CCSER1: variants seen among roughly 807,000 people sequenced by gnomAD.
CCSER1 encodes coiled-coil serine rich protein 1.
Under a neutral mutation model 82.0 loss-of-function variants are expected in CCSER1, and 41 were observed. The observed-to-expected ratio is 0.50, with a 90% CI of 0.39 to 0.65. The LOEUF (loss-of-function observed/expected upper bound fraction) is 0.65, where lower values mean the gene tolerates loss of function less well. Among genes scored for constraint, CCSER1 ranks in the 30% least tolerant of loss-of-function variants. The probability of loss-of-function intolerance (pLI) is 0.00; values close to 1 mark genes in which losing one functional copy is unlikely to be tolerated. For synonymous variants in CCSER1, 414 were observed against 383.9 expected, an observed-to-expected ratio of 1.08 and a Z score of -0.92; for missense variants, 1,119 against 1,064.2, an observed-to-expected ratio of 1.05 and a Z score of -0.72.
intron 10 of CCSER1, among the ~76,000 whole-genome samples, chr4:91,341,118 GT>G (rs2149287745): frequency 6.6e-6 from 1 of 152,294 alleles, no homozygotes; most frequent in Non-Finnish European, 1.5e-5. Context: ...GCCTTCTGCT[GT>G]TTTATTCTCA....
At chr4:91,535,029 GATA>G (rs1761225069) in intron 10 of CCSER1, among the ~76,000 whole-genome samples, 1 of 151,678 alleles carries the variant, frequency 6.6e-6, no homozygotes, top group Admixed American at 6.6e-5. Context: ...CTCTACTACA[GATA>G]ATTTTATTTT....
chr4:90,876,711 AT>A (rs1205855982), intron 8 of CCSER1, among the ~76,000 whole-genome samples: 5 of 152,026 alleles, frequency 3.3e-5, no homozygotes, highest in African/African-American at 1.2e-4. Flanking sequence ...CACTCTAGCC[AT>A]TGCCTGTGTG....
At chr4:90,838,998 C>G in intron 8 of CCSER1, 1 of 1,612,752 alleles carries the variant, frequency 6.2e-7, no homozygotes, top group Non-Finnish European at 8.5e-7. Context: ...TTCGGCTTAT[C>G]GAATTTCTCG....
At chr4:90,616,734 C>A (rs572724828) in intron 5 of CCSER1, among the ~76,000 whole-genome samples, 89 of 64,146 alleles carry the variant, frequency 1.4e-3, no homozygotes, top group African/African-American at 7.1e-3. Context: ...CACACACACA[C>A]ACACAAATAA....
intron 1 of CCSER1, among the ~76,000 whole-genome samples, chr4:90,175,548 C>T (rs1228943012): frequency 6.6e-6 from 1 of 151,954 alleles, no homozygotes; most frequent in African/African-American, 2.4e-5. Flanking sequence ...GCCGATCTGA[C>T]ACACAATAAA....
At chr4:90,246,780 G>A (rs1013014005) in intron 1 of CCSER1, among the ~76,000 whole-genome samples, 10 of 152,066 alleles carry the variant, frequency 6.6e-5, no homozygotes, top group African/African-American at 2.4e-4. Context: ...TAACATCTAT[G>A]TAAGAAGTTA....
At position 91,086,067 on chromosome 4, in the gene CCSER1, G is replaced by T. The variant is rs1288246268; in HGVS notation, c.2217+73G>T. 6 of 879,612 alleles carry T rather than the reference G, an allele frequency of 6.8e-6. No individual in the cohort carries two copies. In the Admixed American group the frequency reaches 9.1e-5, roughly 13 times the overall value. The allele number at this position is 879,612 out of a possible 1,614,324, so 54.5% of individuals were successfully genotyped here. ...ATGGTGTTGCAGTGATGTGGTGATG[G>T]TGATTGACGATAATTACGTTGATAA... On this transcript the variant is annotated intron_variant, in intron 10 of 10. Transcript: ENST00000509176.
chr4:90,250,985 A>T (rs941280076), intron 1 of CCSER1, among the ~76,000 whole-genome samples: 1 of 151,782 alleles, frequency 6.6e-6, no homozygotes, highest in African/African-American at 2.4e-5. Flanking sequence ...TCATTTTTAG[A>T]TTATTTTCTA....
chr4:90,524,058 A>G (rs1277683957), intron 5 of CCSER1, among the ~76,000 whole-genome samples: 1 of 151,878 alleles, frequency 6.6e-6, no homozygotes, highest in African/African-American at 2.4e-5. Flanking sequence ...TAACCAAGTG[A>G]AAAAAAACAT....
At chr4:90,241,650 A>G (rs1560861552) in intron 1 of CCSER1, among the ~76,000 whole-genome samples, 3 of 151,264 alleles carry the variant, frequency 2.0e-5, no homozygotes, top group South Asian at 2.1e-4. Flanking sequence ...TTAGGGTGTT[A>G]TTTTTTTTTC....
chr4:90,806,137 T>C (rs780535715), intron 7 of CCSER1, among the ~76,000 whole-genome samples: 23 of 152,250 alleles, frequency 1.5e-4, no homozygotes, highest in Non-Finnish European at 2.5e-4. Context: ...ATGTTGCCAC[T>C]GTATATATAC....
In CCSER1 at chr4:91,276,293, C is replaced by CTTTTTTTTTTTTTTTTTTT. The variant is rs545936410; in HGVS notation, c.2217+190317_2217+190318insTTTTTTTTTTTTTTTTTTT. Among the ~76,000 whole-genome samples, 4 of 116,274 alleles carry CTTTTTTTTTTTTTTTTTTT rather than the reference C, an allele frequency of 3.4e-5. 1 individual carries two copies. The highest frequency in any genetic ancestry group is 6.3e-5 in the African/African-American group (2 of 31,744). The allele number at this position is 116,274 out of a possible 152,430, so 76.3% of individuals were successfully genotyped here. On this transcript the variant is annotated intron_variant, in intron 10 of 10. Transcript: ENST00000509176. ...TGTTAATTCTGCTGGGATGTCTTTC[C>CTTTTTTTTTTTTTTTTTTT]TTTTTTTTTTTTTTTTTTGTCCTCA...
chr4:90,323,984 A>G (rs2153489376), intron 3 of CCSER1, among the ~76,000 whole-genome samples: 1 of 152,252 alleles, frequency 6.6e-6, no homozygotes, highest in South Asian at 2.1e-4. Context: ...TCATGTCCCT[A>G]CAAAGGACAT....
intron 6 of CCSER1, among the ~76,000 whole-genome samples, chr4:90,629,536 C>T (rs1723966556): frequency 6.6e-6 from 1 of 152,132 alleles, no homozygotes; most frequent in Non-Finnish European, 1.5e-5. Flanking sequence ...TGGGGAACTG[C>T]CCCCATGATT....
At chr4:90,345,788 A>G (rs1309195648) in intron 3 of CCSER1, among the ~76,000 whole-genome samples, 2 of 152,106 alleles carry the variant, frequency 1.3e-5, no homozygotes, top group Admixed American at 6.5e-5. Flanking sequence ...ACATCTCTCT[A>G]TCTTCTAAAC....
At chr4:91,209,996 G>T (rs142373290) in intron 10 of CCSER1, among the ~76,000 whole-genome samples, 3 of 151,552 alleles carry the variant, frequency 2.0e-5, no homozygotes, top group Admixed American at 1.3e-4. Context: ...AATAAACAAG[G>T]GCTTACTGAG....
rs893387066 is a variant in CCSER1, at chr4:90,747,677, G to C, written c.2010+23686G>C. 3.3e-5 allele frequency among the ~76,000 whole-genome samples: 5 copies of C among 150,430 alleles called. No individual in the cohort carries two copies. The South Asian group carries it at 8.4e-4, about 25-fold the overall frequency. Reference sequence around the variant, plus strand: ...TTTAAATTTTATTATTATACTTTAAGTTTTAGGGTACATATGCACGATGTG... The same window carrying C: ...TTTAAATTTTATTATTATACTTTAACTTTTAGGGTACATATGCACGATGTG... On this transcript the variant is annotated intron_variant, in intron 7 of 10. Coordinates refer to ENST00000509176, the MANE Select transcript of CCSER1 (RefSeq NM_001145065.2).
intron 10 of CCSER1, among the ~76,000 whole-genome samples, chr4:91,444,558 T>C (rs1384860494): frequency 6.6e-6 from 1 of 152,010 alleles, no homozygotes; most frequent in Non-Finnish European, 1.5e-5. Flanking sequence ...CAAGCGATCC[T>C]CCTGCCTCGG....
chr4:90,768,034 G>A (rs1382208431), intron 7 of CCSER1, among the ~76,000 whole-genome samples: 1 of 152,126 alleles, frequency 6.6e-6, no homozygotes, highest in Non-Finnish European at 1.5e-5. Flanking sequence ...TCATGATCTT[G>A]TATAATTCCT....
Sources: allele counts gnomAD v4.1 joint callset (sites outside exome capture counted in the v4.1 genomes callset), GRCh38; gene constraint gnomAD v4.1.1; transcripts MANE v1.5; gene names NCBI Gene and HGNC (gene_info 2026-07-23, HGNC 2026-07-21).